TBL1XR1: variants seen among roughly 807,000 people sequenced by gnomAD.
TBL1XR1 encodes the protein F-box-like/WD repeat-containing protein TBL1XR1.
Under a neutral mutation model 66.9 loss-of-function variants are expected in TBL1XR1, and 5 were observed. That is an observed-to-expected ratio of 0.07 (90% CI 0.04 to 0.16). TBL1XR1 has a LOEUF of 0.16. TBL1XR1 is among the 10% of genes least tolerant of loss of function. The probability of loss-of-function intolerance (pLI) is 1.00; values close to 1 mark genes in which losing one functional copy is unlikely to be tolerated. For synonymous variants in TBL1XR1, 210 were observed against 206.0 expected, an observed-to-expected ratio of 1.02 and a Z score of -0.17; for missense variants, 238 against 623.2, an observed-to-expected ratio of 0.38 and a Z score of 6.58.
chr3:177,138,118 C>T (rs898963610), intron 1 of TBL1XR1, among the ~76,000 whole-genome samples: 2 of 152,174 alleles, frequency 1.3e-5, no homozygotes, highest in African/African-American at 2.4e-5. Flanking sequence ...CAAGGCCACA[C>T]TAGAGAAGTT....
intron 2 of TBL1XR1, among the ~76,000 whole-genome samples, chr3:177,091,775 GA>G (rs1379805094): frequency 6.6e-6 from 1 of 152,132 alleles, no homozygotes; most frequent in Non-Finnish European, 1.5e-5. Flanking sequence ...TCAGTACTTT[GA>G]AAACTGGTAA....
intron 1 of TBL1XR1, chr3:177,195,515 T>G (rs1049327227): frequency 1.9e-5 from 2 of 102,738 alleles, no homozygotes; most frequent in African/African-American, 5.8e-5. Context: ...GGGTCTTATT[T>G]TAACAAAAAT....
At chr3:177,177,245 T>C (rs1734264885) in intron 1 of TBL1XR1, among the ~76,000 whole-genome samples, 1 of 151,566 alleles carries the variant, frequency 6.6e-6, no homozygotes, top group Admixed American at 6.6e-5. Context: ...AGGTCAGGAG[T>C]CCGAGACCAG....
At chr3:177,162,971 G>C (rs369017686) in intron 1 of TBL1XR1, among the ~76,000 whole-genome samples, 3 of 152,210 alleles carry the variant, frequency 2.0e-5, no homozygotes, top group Admixed American at 6.5e-5. Context: ...CAGCCTCTGT[G>C]AAGTCAGTCT....
chr3:177,109,474 C>G (rs965784743), intron 1 of TBL1XR1, among the ~76,000 whole-genome samples: 4 of 151,728 alleles, frequency 2.6e-5, no homozygotes, highest in African/African-American at 9.7e-5. Flanking sequence ...CAGTAGACAA[C>G]AGAACTATGG....
chr3:177,195,691 C>T (rs1736758355), intron 1 of TBL1XR1: 1 of 151,478 alleles, frequency 6.6e-6, no homozygotes, highest in South Asian at 2.1e-4. Context: ...GGGGGAAGAT[C>T]ACTTAATTAT....
At chr3:177,040,451 T>C (rs1447887173) in intron 10 of TBL1XR1, among the ~76,000 whole-genome samples, 1 of 152,170 alleles carries the variant, frequency 6.6e-6, no homozygotes, top group East Asian at 1.9e-4. Context: ...TATCCAAGCA[T>C]AATAGTAACT....
chr3:177,130,980 A>G (rs1006311733), intron 1 of TBL1XR1, among the ~76,000 whole-genome samples: 6 of 152,312 alleles, frequency 3.9e-5, no homozygotes, highest in Middle Eastern at 3.4e-3. Context: ...TGGGCAACAT[A>G]GCAAGACCCT....
At chr3:177,142,279 T>C (rs1224285069) in intron 1 of TBL1XR1, among the ~76,000 whole-genome samples, 2 of 152,174 alleles carry the variant, frequency 1.3e-5, no homozygotes, top group African/African-American at 2.4e-5. Flanking sequence ...GCTCCCCCAT[T>C]AGCAGTATGA....
chr3:177,170,073 T>C (rs1217677572), intron 1 of TBL1XR1, among the ~76,000 whole-genome samples: 2 of 152,232 alleles, frequency 1.3e-5, no homozygotes, highest in African/African-American at 4.8e-5. Context: ...ACTGTTCCAC[T>C]GTTCCTAGTT....
chr3:177,135,338 CATAT>C (rs1177634107), intron 1 of TBL1XR1, among the ~76,000 whole-genome samples: 174 of 22,462 alleles, frequency 7.7e-3, no homozygotes, highest in South Asian at 0.011. Flanking sequence ...TGTGTGTATA[CATAT>C]ATATATATAT....
At chr3:177,080,895 T>C (rs531920370) in intron 2 of TBL1XR1, among the ~76,000 whole-genome samples, 1 of 152,196 alleles carries the variant, frequency 6.6e-6, no homozygotes, top group Non-Finnish European at 1.5e-5. Flanking sequence ...TTATACTTCA[T>C]TGCTTATGTT....
At chr3:177,064,294 C>A (rs939609187) in intron 3 of TBL1XR1, among the ~76,000 whole-genome samples, 3 of 152,132 alleles carry the variant, frequency 2.0e-5, no homozygotes, top group Admixed American at 6.6e-5. Flanking sequence ...CACCCATACC[C>A]AACCATGTTC....
chr3:177,026,921 T>C (rs9883846), intron 14 of TBL1XR1: 2,204 of 154,606 alleles, frequency 0.014, 67 homozygotes, highest in East Asian at 0.06. Context: ...AATTCCAGTA[T>C]AAATCTGTTA....
chr3:177,077,038 A>T (rs1336267403), intron 2 of TBL1XR1, among the ~76,000 whole-genome samples: 2 of 152,212 alleles, frequency 1.3e-5, no homozygotes, highest in African/African-American at 4.8e-5. Flanking sequence ...TGGCTATCCA[A>T]ATGAGCAGAC....
In TBL1XR1 at chr3:177,041,069, C is replaced by T. The variant is rs189218185; in HGVS notation, c.926-2635G>A. ...ACAAAGTAAACATAGTCAAAAATCA[C>T]ACCTCAGAGTTGTCAGGCTGAGTAA... On this transcript the variant is annotated intron_variant, in intron 10 of 15. Transcript: ENST00000457928. 8.1e-4 allele frequency: 124 copies of T among 152,296 alleles called. 1 individual carries two copies. Among genetic ancestry groups the T allele is most frequent in the African/African-American group, 2.9e-3 (120 of 41,574 alleles). 9.4% of individuals were successfully genotyped at this position (152,296 alleles called of 1,614,324 possible).
chr3:177,030,832 C>G (rs1713881475), intron 14 of TBL1XR1, among the ~76,000 whole-genome samples: 1 of 152,172 alleles, frequency 6.6e-6, no homozygotes. Flanking sequence ...TTGGGTGAGG[C>G]CGGGCATGGT....
chr3:177,019,487 T>C lies in TBL1XR1; in HGVS notation c.*6011A>G, dbSNP rs747752119. On this transcript the variant is annotated 3_prime_UTR_variant, in exon 16 of 16. Transcript: ENST00000457928. ...GCATTAAGATGACATTTAAGAAGCA[T>C]GCAGAAAAAGTAGCATAGGGTTAAC... is the stretch of plus-strand genomic sequence containing the variant. 6.6e-6 allele frequency: 1 copy of C among 152,178 alleles called. No homozygotes were observed. The highest frequency in any genetic ancestry group is 1.5e-5 in the Non-Finnish European group (1 of 68,020). 9.4% of individuals were successfully genotyped at this position (152,178 alleles called of 1,614,324 possible).
chr3:177,063,895 T>A lies in TBL1XR1; in HGVS notation c.58+1025A>T, dbSNP rs186603448. Among the ~76,000 whole-genome samples, 1,052 of 152,198 alleles carry A rather than the reference T, an allele frequency of 6.9e-3. 8 individuals are homozygous for A. Among genetic ancestry groups the A allele is most frequent in the Non-Finnish European group, 0.011 (759 of 68,006 alleles). On this transcript the variant is annotated intron_variant, in intron 3 of 15. Transcript: ENST00000457928. ...ATAGAAAACCCCTACCCCCAAAAAA[T>A]GCTCAGCACTGAAGAACAGCTGGGA...
Sources: gnomAD v4.1 joint callset for allele counts (sites outside exome capture counted in the v4.1 genomes callset) on GRCh38, gnomAD v4.1.1 for gene constraint, MANE v1.5 for transcripts, NCBI Gene and HGNC (gene_info 2026-07-23, HGNC 2026-07-21) for gene names.